The following GREM2 variants were observed in gnomAD, a reference collection of about 807,000 sequenced individuals.
The protein encoded by GREM2 is gremlin-2.
In GREM2, 11 loss-of-function variants were observed where a neutral mutation model predicts 14.2. That is an observed-to-expected ratio of 0.78 (90% CI 0.49 to 1.28). GREM2 has a LOEUF of 1.28. Ranked by LOEUF, GREM2 falls within the 50% of genes most tolerant of loss-of-function variation. The pLI is 0.00. For missense variants in GREM2, 210 were observed against 218.5 expected (o/e 0.96, Z 0.24); for synonymous variants, 98 against 97.6 (o/e 1.00, Z -0.02).
rs1678551806 is a variant in GREM2, at chr1:240,540,058, C to T, written c.-1-46582G>A. Among the ~76,000 whole-genome samples the T allele has an allele frequency of 6.6e-6, 1 of 152,180 alleles. No individual in the cohort carries two copies. Among genetic ancestry groups the T allele is most frequent in the Admixed American group, 6.5e-5 (1 of 15,274 alleles). On this transcript the variant is annotated intron_variant, in intron 1 of 1. Transcript: ENST00000318160. The surrounding 1 kb of genome is among the most constrained non-coding windows in gnomAD (Gnocchi z 4.2). The stretch of plus-strand genomic sequence containing the variant: ...GAGATTTTCTGTCTTATGACATTAG[C>T]TTGGCATAGCTGACAGCCACTCTGT...
At chr1:240,509,695 C>T (rs1453416497) in intron 1 of GREM2, among the ~76,000 whole-genome samples, 1 of 152,070 alleles carries the variant, frequency 6.6e-6, no homozygotes, top group African/African-American at 2.4e-5. Flanking sequence ...ACCTCCCTGC[C>T]CCTTTCTCTC....
chr1:240,601,781 C>T (rs535715840), intron 1 of GREM2, among the ~76,000 whole-genome samples: 159 of 152,130 alleles, frequency 1.0e-3, no homozygotes, highest in African/African-American at 3.5e-3. Context: ...GTGGCACATG[C>T]CTGTAATCCC....
chr1:240,529,646 A>C (rs1002500581), intron 1 of GREM2, among the ~76,000 whole-genome samples: 1 of 152,188 alleles, frequency 6.6e-6, no homozygotes, highest in African/African-American at 2.4e-5. Context: ...AAATTCCAAG[A>C]TTATCAGAAA....
chr1:240,591,279 C>A (rs1166270977), intron 1 of GREM2, among the ~76,000 whole-genome samples: 2 of 152,278 alleles, frequency 1.3e-5, no homozygotes, highest in African/African-American at 4.8e-5. Context: ...AGTTATGATC[C>A]TCCAGGGTAG....
intron 1 of GREM2, among the ~76,000 whole-genome samples, chr1:240,517,274 G>T (rs574670291): frequency 6.6e-6 from 1 of 152,264 alleles, no homozygotes; most frequent in East Asian, 1.9e-4. Context: ...GTTTAACAGT[G>T]TTCCTTTCCA....
At chr1:240,545,657 G>C (rs906290577) in intron 1 of GREM2, among the ~76,000 whole-genome samples, 1 of 152,182 alleles carries the variant, frequency 6.6e-6, no homozygotes, top group Non-Finnish European at 1.5e-5. Flanking sequence ...TCTCCAGGGA[G>C]ACAGCGTCAG....
At chr1:240,506,575 G>A (rs1040569552) in intron 1 of GREM2, among the ~76,000 whole-genome samples, 1 of 152,132 alleles carries the variant, frequency 6.6e-6, no homozygotes, top group Non-Finnish European at 1.5e-5. Flanking sequence ...GGATATGGGA[G>A]TTACGGGAAA....
intron 1 of GREM2, among the ~76,000 whole-genome samples, chr1:240,578,194 C>T (rs184685296): frequency 8.5e-5 from 13 of 152,220 alleles, no homozygotes; most frequent in South Asian, 2.1e-4. Context: ...GGTGCAATCT[C>T]GGCTCACTGC....
At chr1:240,499,939 C>T (rs549875469) in intron 1 of GREM2, among the ~76,000 whole-genome samples, 12 of 152,258 alleles carry the variant, frequency 7.9e-5, no homozygotes, top group African/African-American at 2.9e-4. Context: ...TTTGCTAAGT[C>T]CTGCTCCAAA....
intron 1 of GREM2, among the ~76,000 whole-genome samples, chr1:240,549,679 A>G (rs916577135): frequency 6.6e-6 from 1 of 152,190 alleles, no homozygotes; most frequent in Admixed American, 6.5e-5. Flanking sequence ...GAAGAATGAG[A>G]GATCCCTGAA....
Position 240,502,056 on chromosome 1 carries a change from C to G in GREM2, c.-1-8580G>C, listed in dbSNP as rs144477330. The stretch of plus-strand genomic sequence containing the variant: ...TCGTGATTCCACAGCCCAAAGACCC[C>G]CTCTTCGACCTTCCTAGGACAGCAT... On this transcript the variant is annotated intron_variant, in intron 1 of 1. Coordinates refer to ENST00000318160, the MANE Select transcript of GREM2 (RefSeq NM_022469.4). 3.9e-4 allele frequency among the ~76,000 whole-genome samples: 59 copies of G among 152,252 alleles called. 1 individual carries two copies. The highest frequency in any genetic ancestry group is 1.3e-3 in the African/African-American group (56 of 41,548).
At chr1:240,574,004 C>T (rs1328171723) in intron 1 of GREM2, among the ~76,000 whole-genome samples, 1 of 152,158 alleles carries the variant, frequency 6.6e-6, no homozygotes, top group Non-Finnish European at 1.5e-5. Flanking sequence ...ACAGCAACCT[C>T]TGCCTCCCAG....
chr1:240,518,133 C>T (rs1188387606), intron 1 of GREM2, among the ~76,000 whole-genome samples: 3 of 152,266 alleles, frequency 2.0e-5, no homozygotes, highest in African/African-American at 7.2e-5. Context: ...TCATTGATGT[C>T]ACTTTTATTC....
chr1:240,526,321 C>T (rs940225760), intron 1 of GREM2, among the ~76,000 whole-genome samples: 11 of 152,108 alleles, frequency 7.2e-5, no homozygotes, highest in African/African-American at 1.7e-4. Context: ...ATAATTGCAA[C>T]GGATGGGTAG....
intron 1 of GREM2, among the ~76,000 whole-genome samples, chr1:240,562,960 GAGTGTGTGTA>G (rs1383205663): frequency 2.6e-5 from 3 of 115,460 alleles, no homozygotes; most frequent in Admixed American, 1.8e-4. Context: ...GTATGTGTGT[GAGTGTGTGTA>G]TGTGTGTATA....
Position 240,591,077 on chromosome 1 carries a change from G to A in GREM2, c.-2+20807C>T, listed in dbSNP as rs577352752. ...TTACAGGCGTGAGCCACCATGCCCA[G>A]CCAGAAATGACTTCTTAACTGTCTT... On this transcript the variant is annotated intron_variant, in intron 1 of 1. Transcript: ENST00000318160. 1.4e-4 allele frequency among the ~76,000 whole-genome samples: 22 copies of A among 152,310 alleles called. No homozygotes were observed. In the South Asian group the frequency reaches 4.6e-3, roughly 32 times the overall value.
chr1:240,547,532 T>TATATATATATATAGACAGATAG (rs1187770486), intron 1 of GREM2, among the ~76,000 whole-genome samples: 183 of 121,840 alleles, frequency 1.5e-3, no homozygotes, highest in African/African-American at 6.2e-3. Flanking sequence ...TATATATATA[T>TATATATATATATAGACAGATAG]ATAGATAGAT....
intron 1 of GREM2, among the ~76,000 whole-genome samples, chr1:240,522,120 CAAA>C (rs34438696): frequency 1.4e-5 from 1 of 70,880 alleles, no homozygotes; most frequent in Admixed American, 1.7e-4. Context: ...ACCCTGTCTC[CAAA>C]AAAAAAAAAA....
intron 1 of GREM2, among the ~76,000 whole-genome samples, chr1:240,555,308 G>GCT (rs1678934520): frequency 6.6e-6 from 1 of 152,092 alleles, no homozygotes. Flanking sequence ...TGCCTCCTTG[G>GCT]CTTTGGTTTT....
Sources: gnomAD v4.1 joint callset for allele counts (sites outside exome capture counted in the v4.1 genomes callset) on GRCh38, gnomAD v4.1.1 for gene constraint, Gnocchi (gnomAD v3.1) non-coding constraint, MANE v1.5 for transcripts, NCBI Gene and HGNC (gene_info 2026-07-23, HGNC 2026-07-21) for gene names.